Variants in CSMD2 observed in about 807,000 individuals in gnomAD.
CSMD2 encodes CUB and Sushi multiple domains 2, also known as CUB and sushi domain-containing protein 2.
A neutral mutation model predicts 398.5 loss-of-function variants in CSMD2; 130 were observed. The ratio of observed to expected loss-of-function variants is 0.33; its 90% CI spans 0.28 to 0.38. The LOEUF (loss-of-function observed/expected upper bound fraction) is 0.38, where lower values mean the gene tolerates loss of function less well. Ranked by LOEUF, CSMD2 falls within the 10% of genes least tolerant of loss-of-function variation. CSMD2 has a pLI of 1.00. For missense variants in CSMD2, 3,829 were observed against 4,764.9 expected (o/e 0.80, Z 5.78); for synonymous variants, 1,828 against 1,908.5 (o/e 0.96, Z 1.10).
At chr1:33,594,245 A>G (rs1312016816) in intron 44 of CSMD2, among the ~76,000 whole-genome samples, 2 of 152,226 alleles carry the variant, frequency 1.3e-5, no homozygotes, top group African/African-American at 4.8e-5. Context: ...CTGGAGTTAC[A>G]GCCCCGCTTG....
At chr1:33,809,619 C>T (rs570057448) in intron 10 of CSMD2, among the ~76,000 whole-genome samples, 59 of 152,010 alleles carry the variant, frequency 3.9e-4, no homozygotes, top group South Asian at 3.7e-3. Flanking sequence ...TATCAAACAA[C>T]GACCATAGGG....
At chr1:33,877,365 C>T (rs2125162989) in intron 5 of CSMD2, among the ~76,000 whole-genome samples, 1 of 152,310 alleles carries the variant, frequency 6.6e-6, no homozygotes, top group Middle Eastern at 3.4e-3. Context: ...GTCCTTGTCC[C>T]ACTGGACTTG....
intron 3 of CSMD2, among the ~76,000 whole-genome samples, chr1:33,966,336 G>A (rs1381256936): frequency 2.0e-5 from 3 of 152,154 alleles, no homozygotes; most frequent in African/African-American, 4.8e-5. Flanking sequence ...TTGAAGGCCT[G>A]GTCTACATAA....
At position 33,972,995 on chromosome 1, in the gene CSMD2, G is replaced by C. The variant is rs556375480; in HGVS notation, c.518-37041C>G. On this transcript the variant is annotated intron_variant, in intron 3 of 70. Coordinates refer to ENST00000373381, the MANE Select transcript of CSMD2 (RefSeq NM_001281956.2). Reference sequence around the variant, plus strand: ...CAGACTGAGAGACGGCTGAGGTTCAGAGAGGGTAAGCCATCCATCCAAGGT... The same window carrying C: ...CAGACTGAGAGACGGCTGAGGTTCACAGAGGGTAAGCCATCCATCCAAGGT... Among the ~76,000 whole-genome samples the C allele has an allele frequency of 5.3e-5, 8 of 152,324 alleles. No homozygotes were observed. The East Asian group carries it at 1.5e-3, about 29-fold the overall frequency.
At chr1:33,947,388 G>A (rs1042431874) in intron 3 of CSMD2, among the ~76,000 whole-genome samples, 8 of 152,148 alleles carry the variant, frequency 5.3e-5, no homozygotes, top group Non-Finnish European at 1.2e-4. Context: ...TACTTGGGAT[G>A]CCCATAATGA....
intron 4 of CSMD2, among the ~76,000 whole-genome samples, chr1:33,918,674 T>C (rs1332928127): frequency 1.3e-5 from 2 of 152,104 alleles, no homozygotes; most frequent in African/African-American, 4.8e-5. Flanking sequence ...TATAAGATAG[T>C]AATGGCATGT....
intron 44 of CSMD2, chr1:33,599,312 C>A (rs1640055924): frequency 6.6e-6 from 1 of 152,174 alleles, no homozygotes; most frequent in African/African-American, 2.4e-5. Flanking sequence ...GAACAAGAGA[C>A]CTGGCCTACC....
chr1:33,599,823 C>T (rs1466212604), intron 44 of CSMD2: 3 of 254,516 alleles, frequency 1.2e-5, no homozygotes, highest in Non-Finnish European at 2.2e-5. Context: ...ATCCTTGTTT[C>T]TCTCTGTTGC....
intron 2 of CSMD2, among the ~76,000 whole-genome samples, chr1:34,041,685 A>G (rs1431081648): frequency 6.6e-6 from 1 of 152,134 alleles, no homozygotes; most frequent in East Asian, 1.9e-4. Flanking sequence ...ACAGTTGAAG[A>G]CAGTAGGCAC....
At position 33,636,479 on chromosome 1, in the gene CSMD2, C is replaced by T. The variant is rs1642810152; in HGVS notation, c.4850G>A (p.Gly1617Asp). 1 of 1,614,034 alleles carries T rather than the reference C, an allele frequency of 6.2e-7. No individual in the cohort carries two copies. Among genetic ancestry groups the T allele is most frequent in the Non-Finnish European group, 8.5e-7 (1 of 1,180,034 alleles). Reference protein sequence around the residue: ...GTRVGSDLKLGSSVTYYCHGG... With the variant: ...GTRVGSDLKLDSSVTYYCHGG... ...GTGGCAGTAGTAGGTGACGGAGGAGCCCAGCTTCAGGTCGGACCCCACCCG... is the reference window on the plus strand; with the variant it reads ...GTGGCAGTAGTAGGTGACGGAGGAGTCCAGCTTCAGGTCGGACCCCACCCG... Residue 1617 changes from glycine (G) to aspartate (D), a missense_variant, in exon 30 of 71, where the codon GGC becomes GAC. Transcript: ENST00000373381. The surrounding 1 kb of genome is among the most constrained non-coding windows in gnomAD (Gnocchi z 4.8).
chr1:33,921,986 A>C (rs1408053828), intron 4 of CSMD2, among the ~76,000 whole-genome samples: 1 of 152,180 alleles, frequency 6.6e-6, no homozygotes, highest in Non-Finnish European at 1.5e-5. Flanking sequence ...TTTAGGAGGC[A>C]GACTGTGGAG....
intron 48 of CSMD2, among the ~76,000 whole-genome samples, chr1:33,580,317 C>T (rs933345830): frequency 1.8e-4 from 28 of 152,244 alleles, no homozygotes; most frequent in African/African-American, 6.3e-4. Flanking sequence ...CAGTCTTTGG[C>T]CTTTTGATCT....
intron 5 of CSMD2, among the ~76,000 whole-genome samples, chr1:33,887,073 T>C (rs539031084): frequency 6.6e-6 from 1 of 152,260 alleles, no homozygotes; most frequent in East Asian, 1.9e-4. Flanking sequence ...CTCTTTCTTC[T>C]ATGACATATT....
At chr1:33,848,229 A>G (rs893247593) in intron 5 of CSMD2, among the ~76,000 whole-genome samples, 1 of 152,216 alleles carries the variant, frequency 6.6e-6, no homozygotes, top group Admixed American at 6.5e-5. Context: ...GGGACTTGTT[A>G]CCACTCCCAA....
chr1:34,106,634 G>C (rs1040384388), intron 1 of CSMD2, among the ~76,000 whole-genome samples: 1 of 152,144 alleles, frequency 6.6e-6, no homozygotes, highest in Non-Finnish European at 1.5e-5. Context: ...CCAGGGGTCA[G>C]AGCCTGGGAT....
At chr1:33,920,305 G>C (rs1643891990) in intron 4 of CSMD2, among the ~76,000 whole-genome samples, 1 of 150,818 alleles carries the variant, frequency 6.6e-6, no homozygotes. Context: ...GAGGTGGGCG[G>C]ATCAACTGAG....
Position 33,718,828 on chromosome 1 carries a change from T to C in CSMD2, c.3002-2327A>G, listed in dbSNP as rs143753856. On this transcript the variant is annotated intron_variant, in intron 19 of 70. Coordinates refer to ENST00000373381, the MANE Select transcript of CSMD2 (RefSeq NM_001281956.2). Reference sequence around the variant, plus strand: ...AGGTTTTTATATCCTTGCATCTCTGTTGATAGAGGCTGGTGATCCTGGAGG... The same window carrying C: ...AGGTTTTTATATCCTTGCATCTCTGCTGATAGAGGCTGGTGATCCTGGAGG... Among the ~76,000 whole-genome samples the C allele has an allele frequency of 1.9e-3, 286 of 152,374 alleles. 1 individual carries two copies. The highest frequency in any genetic ancestry group is 6.7e-3 in the African/African-American group (279 of 41,590).
At chr1:34,151,293 A>T (rs1640295865) in intron 1 of CSMD2, among the ~76,000 whole-genome samples, 1 of 152,134 alleles carries the variant, frequency 6.6e-6, no homozygotes, top group African/African-American at 2.4e-5. Context: ...GTACTCAGTG[A>T]GTGTTCCATG....
chr1:33,843,271 C>T (rs773086617), intron 6 of CSMD2, among the ~76,000 whole-genome samples: 8 of 152,160 alleles, frequency 5.3e-5, no homozygotes, highest in Non-Finnish European at 1.2e-4. Flanking sequence ...AAGCAGAGCC[C>T]GACTAGAACT....
Sources: allele counts gnomAD v4.1 joint callset (sites outside exome capture counted in the v4.1 genomes callset), GRCh38; gene constraint gnomAD v4.1.1; non-coding constraint Gnocchi (gnomAD v3.1); transcripts MANE v1.5; gene names NCBI Gene and HGNC (gene_info 2026-07-23, HGNC 2026-07-21).